The following DMD variants were observed in gnomAD, a reference collection of about 807,000 sequenced individuals.
DMD encodes the protein dystrophin.
A neutral mutation model predicts 330.1 loss-of-function variants in DMD; 63 were observed. That is an observed-to-expected ratio of 0.19 (90% confidence interval 0.16 to 0.24). DMD has a LOEUF of 0.24. Among genes scored for constraint, DMD ranks in the 10% least tolerant of loss-of-function variants. DMD has a pLI of 1.00. For synonymous variants in DMD, 1,223 were observed against 959.8 expected (o/e 1.27, Z -5.07); for missense variants, 3,344 against 2,684.1 (o/e 1.25, Z -5.43).
intron 1 of DMD, among the ~76,000 whole-genome samples, chrX:33,064,074 A>G (rs2094614400): frequency 9.0e-6 from 1 of 111,521 alleles, no homozygotes; most frequent in Admixed American, 9.6e-5. Flanking sequence ...CCTTAGATTC[A>G]TGCCCATATA....
At chrX:32,941,672 G>A (rs929953527) in intron 2 of DMD, among the ~76,000 whole-genome samples, 18 of 110,533 alleles carry the variant, frequency 1.6e-4, no homozygotes, top group Non-Finnish European at 2.5e-4. Flanking sequence ...GAGGGAGGGG[G>A]ATAAGGGTTG....
chrX:31,590,637 T>C (rs1224829000), intron 55 of DMD, among the ~76,000 whole-genome samples: 1 of 111,235 alleles, frequency 9.0e-6, no homozygotes, highest in Non-Finnish European at 1.9e-5. Context: ...ACATCACCAA[T>C]ATCCAAACCA....
At chrX:33,164,012 T>C (rs763480720) in intron 1 of DMD, among the ~76,000 whole-genome samples, 2 of 111,511 alleles carry the variant, frequency 1.8e-5, no homozygotes. Context: ...GTAAAGACTA[T>C]AGATATTTTT....
At chrX:31,884,121 T>C (rs778001015) in intron 47 of DMD, among the ~76,000 whole-genome samples, 1 of 111,892 alleles carries the variant, frequency 8.9e-6, no homozygotes, top group Admixed American at 9.5e-5. Context: ...AACTACCATA[T>C]GATTTAGCAA....
At chrX:32,751,408 T>C (rs752339819) in intron 7 of DMD, among the ~76,000 whole-genome samples, 5 of 111,603 alleles carry the variant, frequency 4.5e-5, no homozygotes, top group Admixed American at 9.5e-5. Flanking sequence ...AGCATTTTGC[T>C]CCTGCCCTAG....
intron 2 of DMD, among the ~76,000 whole-genome samples, chrX:32,987,582 G>C (rs1184140227): frequency 9.0e-6 from 1 of 111,092 alleles, no homozygotes; most frequent in Admixed American, 9.7e-5. Flanking sequence ...CACAACAATA[G>C]TGCCTCTGTC....
At chrX:32,470,861 T>A (rs2040557160) in intron 22 of DMD, among the ~76,000 whole-genome samples, 1 of 112,642 alleles carries the variant, frequency 8.9e-6, no homozygotes, top group East Asian at 2.8e-4. Flanking sequence ...AAAGTTTAAA[T>A]TTGAATTTTT....
chrX:31,122,355 CA>C (rs1366980675), intron 78 of DMD, among the ~76,000 whole-genome samples: 1 of 111,047 alleles, frequency 9.0e-6, no homozygotes, highest in Non-Finnish European at 1.9e-5. Flanking sequence ...TATTAACGAA[CA>C]TTTTTTTTAC....
intron 56 of DMD, among the ~76,000 whole-genome samples, chrX:31,504,895 C>CAGCACCTT (rs2070776066): frequency 8.9e-6 from 1 of 112,028 alleles, no homozygotes; most frequent in African/African-American, 3.2e-5. Flanking sequence ...CTAGAATTGG[C>CAGCACCTT]AGCACCTTAG....
intron 45 of DMD, among the ~76,000 whole-genome samples, chrX:31,954,050 A>G (rs1291542656): frequency 1.8e-5 from 2 of 111,082 alleles, no homozygotes; most frequent in Non-Finnish European, 3.8e-5. Flanking sequence ...TGTCATGGAT[A>G]GACTCTAATC....
intron 34 of DMD, among the ~76,000 whole-genome samples, chrX:32,370,325 A>G (rs973047788): frequency 1.8e-5 from 2 of 109,407 alleles, no homozygotes; most frequent in Non-Finnish European, 3.8e-5. Context: ...AATTGCTTTT[A>G]CAGCCCCCAA....
At chrX:32,438,102 C>G in intron 29 of DMD, 139 bp downstream of exon 29, 1 of 614,659 alleles carries the variant, frequency 1.6e-6, no homozygotes, top group East Asian at 3.5e-5. Flanking sequence ...AGAATTTACC[C>G]AGTGTCTGGC....
At position 32,485,899 on chromosome X, in the gene DMD, G is replaced by A. The variant is rs775732622; in HGVS notation, c.2623-800C>T. 2.5e-3 allele frequency among the ~76,000 whole-genome samples: 264 copies of A among 107,707 alleles called. 1 individual carries two copies. The highest frequency in any genetic ancestry group is 7.8e-3 in the African/African-American group (233 of 29,785). The allele number at this position is 107,707 out of a possible 115,157, so 93.5% of individuals were successfully genotyped here. On this transcript the variant is annotated intron_variant, in intron 20 of 78. Transcript: ENST00000357033. ...GCTGGGATTACAGGTGCCCGCTACC[G>A]TGTCCAGCAAATTTTTTTTATTTTT...
At chrX:32,749,089 G>A (rs759682460) in intron 7 of DMD, among the ~76,000 whole-genome samples, 1 of 111,902 alleles carries the variant, frequency 8.9e-6, no homozygotes, top group East Asian at 2.8e-4. Flanking sequence ...TATTTTATAT[G>A]CTATGGCACG....
intron 11 of DMD, among the ~76,000 whole-genome samples, chrX:32,621,622 G>A (rs1390915577): frequency 9.1e-6 from 1 of 110,360 alleles, no homozygotes; most frequent in Non-Finnish European, 1.9e-5. Flanking sequence ...CCCGAACCCA[G>A]CCAGGTGTTT....
chrX:32,613,965 A>C lies in DMD; in HGVS notation c.1482+338T>G, dbSNP rs2057370708. Among the ~76,000 whole-genome samples the C allele has an allele frequency of 2.7e-5, 3 of 110,324 alleles. No individual in the cohort carries two copies. The Admixed American group carries it at 2.9e-4, about 11-fold the overall frequency. On this transcript the variant is annotated intron_variant, in intron 12 of 78. Transcript: ENST00000357033. ...GTGAGGGCCTTTTCACAGAGTTTTC[A>C]CATGGTGGTGCATGGTGGAGGGTCA...
chrX:33,039,957 A>G (rs138009869), intron 1 of DMD, among the ~76,000 whole-genome samples: 1,259 of 111,018 alleles, frequency 0.011, 33 homozygotes, highest in Admixed American at 0.07. Flanking sequence ...CCAAGGAGAG[A>G]CTGGATACAT....
chrX:32,465,006 C>A (rs998950950), intron 23 of DMD, among the ~76,000 whole-genome samples: 27 of 111,949 alleles, frequency 2.4e-4, no homozygotes, highest in African/African-American at 8.4e-4. Context: ...TACAAAACAA[C>A]TCATGAGAAT....
intron 43 of DMD, among the ~76,000 whole-genome samples, chrX:32,231,917 T>G (rs1415918738): frequency 9.1e-6 from 1 of 109,570 alleles, no homozygotes; most frequent in Non-Finnish European, 1.9e-5. Flanking sequence ...AAAATTCCAA[T>G]TTTACTTTTA....
Sources: gnomAD v4.1 joint callset for allele counts (sites outside exome capture counted in the v4.1 genomes callset) on GRCh38, gnomAD v4.1.1 for gene constraint, MANE v1.5 for transcripts, NCBI Gene and HGNC (gene_info 2026-07-23, HGNC 2026-07-21) for gene names.